The following TRHR variants were observed in gnomAD, a reference collection of about 807,000 sequenced individuals.
TRHR encodes thyrotropin-releasing hormone receptor.
TRHR carries 14 observed loss-of-function variants against 28.0 expected under a neutral mutation model. The ratio of observed to expected loss-of-function variants is 0.50; its 90% confidence interval spans 0.33 to 0.78. TRHR has a LOEUF of 0.78. Ranked by LOEUF, TRHR falls within the 30% of genes least tolerant of loss-of-function variation. TRHR has a pLI of 0.02. For synonymous variants in TRHR, 176 were observed against 171.9 expected (o/e 1.02, Z -0.18); for missense variants, 438 against 469.5 (o/e 0.93, Z 0.62).
At chr8:109,117,725 A>T (rs1178368006) in intron 2 of TRHR, among the ~76,000 whole-genome samples, 1 of 151,894 alleles carries the variant, frequency 6.6e-6, no homozygotes, top group Non-Finnish European at 1.5e-5. Flanking sequence ...TCCTATGACT[A>T]ATTATTTACT....
At chr8:109,108,155 C>T (rs896783558) in intron 2 of TRHR, among the ~76,000 whole-genome samples, 3 of 152,146 alleles carry the variant, frequency 2.0e-5, no homozygotes, top group East Asian at 1.9e-4. Flanking sequence ...CCCAGCTCTA[C>T]GATGAGGGAC....
At chr8:109,096,455 C>T (rs1811593494) in intron 2 of TRHR, among the ~76,000 whole-genome samples, 1 of 152,206 alleles carries the variant, frequency 6.6e-6, no homozygotes, top group Admixed American at 6.5e-5. Context: ...TGTCTTCCCA[C>T]TCTCACTAAC....
chr8:109,121,333 C>T lies in TRHR; in HGVS notation c.*1878C>T, dbSNP rs992904231. Among the ~76,000 whole-genome samples, 1 of 151,546 alleles carries T rather than the reference C, an allele frequency of 6.6e-6. No individual in the cohort carries two copies. Among genetic ancestry groups the T allele is most frequent in the African/African-American group, 2.4e-5 (1 of 41,310 alleles). On this transcript the variant is annotated 3_prime_UTR_variant, in exon 3 of 3. Transcript: ENST00000518632. ...ACATGTGTGTTTATAAACACATACC[C>T]ACATGTTCATAAATTGGTGAAAAAG...
At chr8:109,087,209 T>C (rs985730721) in intron 1 of TRHR, among the ~76,000 whole-genome samples, 1 of 152,224 alleles carries the variant, frequency 6.6e-6, no homozygotes. Flanking sequence ...TTTTTCTCCA[T>C]TAAGAGGGAA....
At chr8:109,101,942 T>C (rs1586189705) in intron 2 of TRHR, among the ~76,000 whole-genome samples, 1 of 152,068 alleles carries the variant, frequency 6.6e-6, no homozygotes, top group Non-Finnish European at 1.5e-5. Context: ...CGAAGGAATA[T>C]TCAGAGAGGG....
intron 2 of TRHR, among the ~76,000 whole-genome samples, chr8:109,090,484 C>T (rs1290838495): frequency 6.6e-6 from 1 of 152,160 alleles, no homozygotes; most frequent in Non-Finnish European, 1.5e-5. Flanking sequence ...GTCAGTTAGC[C>T]TCCAAGAATA....
chr8:109,112,952 G>T (rs561609574), intron 2 of TRHR, among the ~76,000 whole-genome samples: 4 of 152,166 alleles, frequency 2.6e-5, no homozygotes, highest in East Asian at 3.9e-4. Flanking sequence ...TACAATAAAA[G>T]AACTTTGTTA....
chr8:109,100,725 A>C (rs1396548372), intron 2 of TRHR, among the ~76,000 whole-genome samples: 1 of 152,202 alleles, frequency 6.6e-6, no homozygotes, highest in Non-Finnish European at 1.5e-5. Flanking sequence ...ATGTTATCAT[A>C]GTAAAAACAC....
chr8:109,090,838 G>A (rs1811507703), intron 2 of TRHR, among the ~76,000 whole-genome samples: 1 of 152,182 alleles, frequency 6.6e-6, no homozygotes, highest in Non-Finnish European at 1.5e-5. Context: ...CATAGAGTGG[G>A]ACTTATGTGA....
intron 2 of TRHR, among the ~76,000 whole-genome samples, chr8:109,116,332 G>T (rs1048782421): frequency 6.6e-6 from 1 of 152,114 alleles, no homozygotes; most frequent in South Asian, 2.1e-4. Flanking sequence ...GGATTAGGGA[G>T]GATTCCCTCT....
chr8:109,087,767 C>A lies in TRHR; in HGVS notation c.255C>A (p.Asp85Glu), dbSNP rs1811459246. The change falls in exon 2 of 3, where the codon GAC becomes GAA. Residue 85 changes from aspartate (D) to glutamate (E), a missense_variant. Asp to Glu is a conservative substitution (Grantham distance 45, BLOSUM62 2). Transcript: ENST00000518632. ...LVAAGLPNITDSIYGSWVYGY... is the reference protein window; with the variant it reads ...LVAAGLPNITESIYGSWVYGY... ...CCGCAGGCCTCCCCAACATAACAGA[C>A]AGTATCTACGGTTCCTGGGTCTATG... 6.2e-7 allele frequency: 1 copy of A among 1,614,170 alleles called. No individual in the cohort carries two copies. The highest frequency in any genetic ancestry group is 8.5e-7 in the Non-Finnish European group (1 of 1,180,038).
At position 109,091,678 on chromosome 8, in the gene TRHR, T is replaced by C. The variant is rs888049968; in HGVS notation, c.789+3377T>C. On this transcript the variant is annotated intron_variant, in intron 2 of 2. Coordinates refer to ENST00000518632, the MANE Select transcript of TRHR (RefSeq NM_003301.7). ...CTTCCTTATTTGTTTTTAACTTTCA[T>C]TCTCTATGCAGAAAATCCAGGCCAA... Among the ~76,000 whole-genome samples the C allele has an allele frequency of 9.8e-5, 15 of 152,348 alleles. No homozygotes were observed. The East Asian group carries it at 1.7e-3, about 18-fold the overall frequency.
intron 2 of TRHR, among the ~76,000 whole-genome samples, chr8:109,117,104 C>A (rs1235056339): frequency 6.6e-6 from 1 of 151,872 alleles, no homozygotes; most frequent in African/African-American, 2.4e-5. Context: ...TTCAACCTTT[C>A]TTCTGAAATT....
intron 2 of TRHR, among the ~76,000 whole-genome samples, chr8:109,092,992 T>C (rs1328278466): frequency 2.0e-5 from 3 of 152,080 alleles, no homozygotes; most frequent in African/African-American, 7.2e-5. Flanking sequence ...TAGTTTTGGC[T>C]TCCTGGTTTT....
chr8:109,088,606 G>A (rs961555202), intron 2 of TRHR, among the ~76,000 whole-genome samples: 3 of 152,194 alleles, frequency 2.0e-5, no homozygotes, highest in African/African-American at 7.2e-5. Flanking sequence ...CTCTGGAAAT[G>A]TTATCAGAAT....
In TRHR at chr8:109,088,065, A is replaced by G; in HGVS notation, c.553A>G (p.Arg185Gly). 1.9e-6 allele frequency: 3 copies of G among 1,614,182 alleles called. No homozygotes were observed. Among genetic ancestry groups the G allele is most frequent in the Non-Finnish European group, 2.5e-6 (3 of 1,180,028 alleles). ...IVISCGYKIS[R>G]NYYSPIYLMD... The stretch of plus-strand genomic sequence containing the variant: ...GATATCCTGTGGCTACAAGATCTCC[A>G]GGAATTACTACTCACCTATTTACCT... Residue 185 changes from arginine (R) to glycine (G), a missense_variant, in exon 2 of 3, where the codon AGG becomes GGG. By Grantham distance (125) the Arg-to-Gly change is moderately radical (BLOSUM62 -2). Coordinates refer to ENST00000518632, the MANE Select transcript of TRHR (RefSeq NM_003301.7).
At chr8:109,091,383 A>G (rs1005238059) in intron 2 of TRHR, among the ~76,000 whole-genome samples, 1 of 152,238 alleles carries the variant, frequency 6.6e-6, no homozygotes, top group South Asian at 2.1e-4. Context: ...GTACAAAATT[A>G]GTGACCTGCT....
intron 2 of TRHR, among the ~76,000 whole-genome samples, chr8:109,089,438 C>T (rs774785316): frequency 6.6e-6 from 1 of 151,408 alleles, no homozygotes; most frequent in South Asian, 2.1e-4. Context: ...ATATATGCAT[C>T]GTAACTGGAC....
intron 2 of TRHR, among the ~76,000 whole-genome samples, chr8:109,110,167 G>A (rs768984168): frequency 6.6e-6 from 1 of 152,074 alleles, no homozygotes; most frequent in Non-Finnish European, 1.5e-5. Context: ...CTCTAGAATT[G>A]TGAATAAAAA....
Sources: gnomAD v4.1 joint callset for allele counts (sites outside exome capture counted in the v4.1 genomes callset) on GRCh38, gnomAD v4.1.1 for gene constraint, MANE v1.5 for transcripts, NCBI Gene and HGNC (gene_info 2026-07-23, HGNC 2026-07-21) for gene names.